Variants in OPRK1 observed in about 807,000 individuals in gnomAD.
The protein encoded by OPRK1 is kappa-type opioid receptor.
OPRK1 carries 15 observed loss-of-function variants against 24.5 expected under a neutral mutation model. The observed-to-expected ratio is 0.61, with a 90% CI of 0.41 to 0.94. OPRK1 has a LOEUF of 0.94. Among genes scored for constraint, OPRK1 ranks in the 40% least tolerant of loss-of-function variants. The pLI is 0.00. For synonymous variants in OPRK1, 205 were observed against 198.0 expected (o/e 1.04, Z -0.30); for missense variants, 479 against 507.3 (o/e 0.94, Z 0.54).
chr8:53,247,246 C>A (rs1807252644), intron 2 of OPRK1, among the ~76,000 whole-genome samples: 1 of 152,090 alleles, frequency 6.6e-6, no homozygotes, highest in Non-Finnish European at 1.5e-5. Context: ...CAAATGTTTG[C>A]AGGAGTGGTA....
Position 53,232,974 on chromosome 8 carries a change from G to A in OPRK1, c.610+1785C>T, listed in dbSNP as rs146533026. Reference sequence around the variant, plus strand: ...AAGCTTTGCCTCAGAAAAGTTTCTTGCACTTTATTTCTATTTGCTGTAGGC... The same window carrying A: ...AAGCTTTGCCTCAGAAAAGTTTCTTACACTTTATTTCTATTTGCTGTAGGC... On this transcript the variant is annotated intron_variant, in intron 3 of 3. Transcript: ENST00000265572. 2.7e-3 allele frequency among the ~76,000 whole-genome samples: 415 copies of A among 152,246 alleles called. 9 individuals are homozygous for A. The highest frequency in any genetic ancestry group is 0.024 in the East Asian group (125 of 5,186).
intron 2 of OPRK1, chr8:53,242,782 G>C (rs57560123): frequency 8.4e-7 from 1 of 1,191,598 alleles, no homozygotes; most frequent in Non-Finnish European, 1.1e-6. Flanking sequence ...CTGGGATTAC[G>C]GGCCTGAGCC....
At chr8:53,235,207 T>G (rs1806962846) in intron 2 of OPRK1, 96 bp from the exon 3 acceptor site, 2 of 1,003,790 alleles carry the variant, frequency 2.0e-6, no homozygotes, top group Non-Finnish European at 2.9e-6. Flanking sequence ...TGATTTTGCT[T>G]CTTCATTCAA....
At chr8:53,250,549 G>A (rs1807350784) in intron 2 of OPRK1, among the ~76,000 whole-genome samples, 1 of 152,164 alleles carries the variant, frequency 6.6e-6, no homozygotes, top group Non-Finnish European at 1.5e-5. Context: ...AAATCTTCCA[G>A]ACGCCCCTGG....
intron 1 of OPRK1, 29 bp from the exon 2 acceptor site, chr8:53,251,114 C>T: frequency 7.1e-7 from 1 of 1,413,900 alleles, no homozygotes; most frequent in Non-Finnish European, 9.2e-7. Flanking sequence ...CGGCTGGACG[C>T]GGAGAGGCAA....
At chr8:53,237,662 G>A (rs372594745) in intron 2 of OPRK1, among the ~76,000 whole-genome samples, 6 of 152,180 alleles carry the variant, frequency 3.9e-5, no homozygotes, top group African/African-American at 1.4e-4. Flanking sequence ...TATAGGCATA[G>A]CAGAAATTTA....
At chr8:53,241,195 G>A (rs1807108948) in intron 2 of OPRK1, among the ~76,000 whole-genome samples, 1 of 152,158 alleles carries the variant, frequency 6.6e-6, no homozygotes, top group Non-Finnish European at 1.5e-5. Context: ...TTTTTTAAAA[G>A]TCTGTTTAAA....
At chr8:53,230,469 G>A (rs577692818) in intron 3 of OPRK1, among the ~76,000 whole-genome samples, 2 of 152,222 alleles carry the variant, frequency 1.3e-5, no homozygotes, top group East Asian at 3.9e-4. Flanking sequence ...GAGGAGGTGG[G>A]GGAGAATCAT....
At position 53,234,850 on chromosome 8, in the gene OPRK1, C is replaced by G; in HGVS notation, c.519G>C (p.Leu173Phe). The G allele has an allele frequency of 6.2e-7, 1 of 1,614,202 alleles. No homozygotes were observed. Among genetic ancestry groups the G allele is most frequent in the African/African-American group, 1.3e-5 (1 of 75,046 alleles). ...PVKALDFRTP[L>F]KAKIINICIW... The stretch of plus-strand genomic sequence containing the variant: ...TGCAGATATTGATGATCTTTGCCTT[C>G]AAGGGTGTGCGGAAGTCCAAAGCCT... Residue 173 changes from leucine (L) to phenylalanine (F), a missense_variant, in exon 3 of 4, where the codon TTG becomes TTC. Physicochemically the swap from Leu to Phe is conservative, Grantham distance 22 (BLOSUM62 0). Coordinates refer to ENST00000265572, the MANE Select transcript of OPRK1 (RefSeq NM_000912.5).
chr8:53,238,404 G>T, intron 2 of OPRK1: 2 of 384,092 alleles, frequency 5.2e-6, no homozygotes, highest in Non-Finnish European at 7.1e-6. Flanking sequence ...CATATGGTAT[G>T]AAAAGAGCAA....
At chr8:53,249,768 A>T (rs1326186657) in intron 2 of OPRK1, among the ~76,000 whole-genome samples, 1 of 152,010 alleles carries the variant, frequency 6.6e-6, no homozygotes. Flanking sequence ...AATCAAGCTT[A>T]AAAAAAATCA....
In OPRK1 at chr8:53,229,344, C is replaced by A. The variant is rs770698569; in HGVS notation, c.1096G>T (p.Asp366Tyr). The change falls in exon 4 of 4, where the codon GAT becomes TAT. Residue 366 changes from aspartate (D) to tyrosine (Y), a missense_variant. Coordinates refer to ENST00000265572, the MANE Select transcript of OPRK1 (RefSeq NM_000912.5). ...TCGATGTCCCTCAGGTAAGCAGGATCCTGAACTGTATTTCGGACTCTGCTA... is the reference window on the plus strand; with the variant it reads ...TCGATGTCCCTCAGGTAAGCAGGATACTGAACTGTATTTCGGACTCTGCTA... ...STSRVRNTVQDPAYLRDIDGM... is the reference protein window; with the variant it reads ...STSRVRNTVQYPAYLRDIDGM... 6.2e-7 allele frequency: 1 copy of A among 1,614,220 alleles called. No individual in the cohort carries two copies. Among genetic ancestry groups the A allele is most frequent in the Non-Finnish European group, 8.5e-7 (1 of 1,180,040 alleles).
At position 53,234,182 on chromosome 8, in the gene OPRK1, CAAAAAAAA is replaced by C. The variant is rs546459906; in HGVS notation, c.610+569_610+576del. On this transcript the variant is annotated intron_variant, in intron 3 of 3. Transcript: ENST00000265572. ...CTGGCAACAGAGCAAGACTCTCTCTCAAAAAAAAAAAAAAAAAAAAATCAGTTGGCTGG... is the reference window on the plus strand; with the variant it reads ...CTGGCAACAGAGCAAGACTCTCTCTCAAAAAAAAAAAAATCAGTTGGCTGG... Among the ~76,000 whole-genome samples, 167 of 65,364 alleles carry C rather than the reference CAAAAAAAA, an allele frequency of 2.6e-3. 4 individuals carry two copies. The East Asian group carries it at 0.051, about 20-fold the overall frequency. The allele number at this position is 65,364 out of a possible 152,430, so 42.9% of individuals were successfully genotyped here.
intron 2 of OPRK1, chr8:53,238,572 C>A (rs1050462309): frequency 3.0e-6 from 3 of 985,378 alleles, no homozygotes; most frequent in African/African-American, 3.5e-5. Context: ...GGCAACAGGG[C>A]GGAGGGTGTT....
intron 2 of OPRK1, among the ~76,000 whole-genome samples, chr8:53,244,450 T>C (rs898158546): frequency 2.0e-5 from 3 of 152,190 alleles, no homozygotes; most frequent in African/African-American, 7.2e-5. Context: ...CTACACCCCT[T>C]ACAAAGTTCC....
At chr8:53,232,626 T>G (rs1414743023) in intron 3 of OPRK1, among the ~76,000 whole-genome samples, 1 of 152,318 alleles carries the variant, frequency 6.6e-6, no homozygotes, top group East Asian at 1.9e-4. Flanking sequence ...CATTTTCAGG[T>G]TGAAGTATCC....
At chr8:53,247,848 T>G (rs1322796880) in intron 2 of OPRK1, among the ~76,000 whole-genome samples, 1 of 151,656 alleles carries the variant, frequency 6.6e-6, no homozygotes, top group Non-Finnish European at 1.5e-5. Flanking sequence ...ATACAAAAAT[T>G]AGCATGGTGG....
In OPRK1 at chr8:53,229,392, T is replaced by C; in HGVS notation, c.1048A>G (p.Met350Val). Residue 350 changes from methionine (M) to valine (V), a missense_variant, in exon 4 of 4, where the codon ATG (methionine) becomes GTG (valine). Coordinates refer to ENST00000265572, the MANE Select transcript of OPRK1 (RefSeq NM_000912.5). ...CFRDFCFPLK[M>V]RMERQSTSRV... The stretch of plus-strand genomic sequence containing the variant: ...CTAGTGCTCTGCCGCTCCATCCTCA[T>C]CTTCAGTGGAAAGCAGAAGTCCCGG... The C allele has an allele frequency of 6.2e-7, 1 of 1,614,198 alleles. No individual in the cohort carries two copies. Among genetic ancestry groups the C allele is most frequent in the South Asian group, 1.1e-5 (1 of 91,078 alleles).
intron 1 of OPRK1, 149 bp downstream of exon 1, chr8:53,251,298 CA>C: frequency 1.8e-6 from 1 of 541,522 alleles, no homozygotes; most frequent in Admixed American, 3.9e-5. Flanking sequence ...CCTTCTCCCC[CA>C]GCCCCTGAGG....
Sources: gnomAD v4.1 joint callset for allele counts (sites outside exome capture counted in the v4.1 genomes callset) on GRCh38, gnomAD v4.1.1 for gene constraint, MANE v1.5 for transcripts, NCBI Gene and HGNC (gene_info 2026-07-23, HGNC 2026-07-21) for gene names.